Variants in MEIOSIN observed in about 807,000 individuals in gnomAD.
The protein encoded by MEIOSIN is meiosis initiator.
MEIOSIN carries 18 observed loss-of-function variants against 23.4 expected under a neutral mutation model. The observed-to-expected ratio is 0.77, with a 90% confidence interval of 0.53 to 1.14. The LOEUF (loss-of-function observed/expected upper bound fraction) is 1.14, where lower values mean the gene tolerates loss of function less well. Among genes scored for constraint, MEIOSIN ranks in the 50% most tolerant of loss-of-function variants. MEIOSIN has a pLI of 0.00. For synonymous variants in MEIOSIN, 187 were observed against 100.6 expected, an observed-to-expected ratio of 1.86 and a Z score of -5.14; for missense variants, 428 against 242.9, an observed-to-expected ratio of 1.76 and a Z score of -5.07.
intron 5 of MEIOSIN, among the ~76,000 whole-genome samples, chr19:45,753,091 T>G (rs1416750878): frequency 6.6e-6 from 1 of 151,984 alleles, no homozygotes; most frequent in South Asian, 2.1e-4. Flanking sequence ...ACCCAGCTAA[T>G]TTTTGTCCCT....
intron 4 of MEIOSIN, among the ~76,000 whole-genome samples, chr19:45,748,409 C>G (rs1367401634): frequency 1.3e-5 from 2 of 152,124 alleles, no homozygotes; most frequent in Non-Finnish European, 2.9e-5. Context: ...GAAATAGAGT[C>G]AGATGTATCT....
intron 9 of MEIOSIN, among the ~76,000 whole-genome samples, chr19:45,758,412 T>C (rs769932821): frequency 2.2e-4 from 34 of 151,968 alleles, no homozygotes; most frequent in Non-Finnish European, 4.0e-4. Context: ...CAAACATCAT[T>C]TTGCTTCATT....
At chr19:45,748,665 C>G (rs1385948357) in intron 4 of MEIOSIN, among the ~76,000 whole-genome samples, 1 of 152,172 alleles carries the variant, frequency 6.6e-6, no homozygotes, top group African/African-American at 2.4e-5. Context: ...AACCTTTATA[C>G]TAGTAATAAT....
In MEIOSIN at chr19:45,750,657, G is replaced by A. The variant is rs550732573; in HGVS notation, c.307-18G>A. ...TACAGGCGTGAGCCTGGCCAACCCT[G>A]TCTTTCTTTTGAGGCAGAAGGAGAT... On this transcript the variant is annotated intron_variant, in intron 4 of 14. Transcript: ENST00000457052. 19 of 541,942 alleles carry A rather than the reference G, an allele frequency of 3.5e-5. No homozygotes were observed. Among genetic ancestry groups the A allele is most frequent in the Non-Finnish European group, 5.5e-5 (17 of 306,472 alleles). The allele number at this position is 541,942 out of a possible 1,614,324, so 33.6% of individuals were successfully genotyped here.
rs1328398905 is a variant in MEIOSIN, at chr19:45,757,246, C to A, written c.981C>A (p.Leu327=). The change falls in exon 9 of 15, where the codon CTC becomes CTA. Residue 327 remains leucine (L), a synonymous_variant. Coordinates refer to ENST00000457052, the MANE Select transcript of MEIOSIN (RefSeq NM_001310124.2). ...DKGSLDADPW[L]PAWTPENSPQ... ...GGTCCCTAGACGCTGACCCTTGGCT[C>A]CCTGCCTGGACCCCAGAGAACAGCC... 4.3e-6 allele frequency: 3 copies of A among 702,956 alleles called. No homozygotes were observed. Among genetic ancestry groups the A allele is most frequent in the Non-Finnish European group, 7.8e-6 (3 of 384,936 alleles). 43.5% of individuals were successfully genotyped at this position (702,956 alleles called of 1,614,324 possible).
intron 7 of MEIOSIN, among the ~76,000 whole-genome samples, chr19:45,755,682 C>T (rs549868250): frequency 6.6e-6 from 1 of 151,744 alleles, no homozygotes; most frequent in Non-Finnish European, 1.5e-5. Context: ...CTCCTGACCT[C>T]GTGATCCACC....
In MEIOSIN at chr19:45,761,786, G is replaced by GCTAT; in HGVS notation, c.1354_1355insTATC (p.Pro452LeufsTer62). ...TCTCGCTGAGCGGGAACAGCAAGGCGCCATCCAGCTCCAGCTCCAGCTCCA... is the reference window on the plus strand; with the variant it reads ...TCTCGCTGAGCGGGAACAGCAAGGCGCTATCCATCCAGCTCCAGCTCCAGCTCCA... On this transcript the variant is annotated frameshift_variant, in exon 12 of 15. Coordinates refer to ENST00000457052, the MANE Select transcript of MEIOSIN (RefSeq NM_001310124.2). LOFTEE classifies it high-confidence loss of function. 1 of 675,046 alleles carries GCTAT rather than the reference G, an allele frequency of 1.5e-6. No individual in the cohort carries two copies. The allele number at this position is 675,046 out of a possible 1,614,324, so 41.8% of individuals were successfully genotyped here.
chr19:45,741,822 C>T (rs773528188), intron 3 of MEIOSIN, among the ~76,000 whole-genome samples: 41 of 151,530 alleles, frequency 2.7e-4, no homozygotes, highest in Non-Finnish European at 5.0e-4. Context: ...AGAGAGACCG[C>T]GTCTCCAAAA....
chr19:45,754,626 G>A lies in MEIOSIN; in HGVS notation c.704G>A (p.Arg235Lys), dbSNP rs1159839643. Residue 235 changes from arginine (R) to lysine (K), a missense_variant, in exon 7 of 15, where the codon AGG (arginine) becomes AAG (lysine). Physicochemically the swap from Arg to Lys is conservative, Grantham distance 26. Transcript: ENST00000457052. Reference protein sequence around the residue: ...PRCPDSCGHPRPASSSPPGDR... With the variant: ...PRCPDSCGHPKPASSSPPGDR... ...TGCCCTGACTCCTGCGGTCACCCGA[G>A]GCCTGCATCATCCTCACCTCCAGGT... 6 of 703,110 alleles carry A rather than the reference G, an allele frequency of 8.5e-6. No homozygotes were observed. The highest frequency in any genetic ancestry group is 8.0e-5 in the East Asian group (3 of 37,290). The allele number at this position is 703,110 out of a possible 1,614,324, so 43.6% of individuals were successfully genotyped here.
At chr19:45,741,443 C>T (rs1489671336) in intron 3 of MEIOSIN, among the ~76,000 whole-genome samples, 1 of 151,992 alleles carries the variant, frequency 6.6e-6, no homozygotes, top group Non-Finnish European at 1.5e-5. Flanking sequence ...ATTTTTTGTT[C>T]TAATTTAAAA....
intron 7 of MEIOSIN, among the ~76,000 whole-genome samples, chr19:45,755,238 C>T (rs924981087): frequency 6.6e-6 from 1 of 150,724 alleles, no homozygotes; most frequent in African/African-American, 2.4e-5. Context: ...CAACCTCTGC[C>T]TCCTGGATTC....
rs979810594 is a variant in MEIOSIN at position 45,735,874 on chromosome 19, G to T, written c.71+427G>T. 2.0e-5 allele frequency among the ~76,000 whole-genome samples: 3 copies of T among 152,072 alleles called. No individual in the cohort carries two copies. The East Asian group carries it at 5.8e-4, about 29-fold the overall frequency. ...GTATTTTTTGTAAAGATAGGGTTTTGCCATTTTCCCCAGGCTAGTCTTCAA... is the reference window on the plus strand; with the variant it reads ...GTATTTTTTGTAAAGATAGGGTTTTTCCATTTTCCCCAGGCTAGTCTTCAA... On this transcript the variant is annotated intron_variant, in intron 2 of 14. Coordinates refer to ENST00000457052, the MANE Select transcript of MEIOSIN (RefSeq NM_001310124.2).
At chr19:45,738,002 T>A (rs1478535238) in intron 2 of MEIOSIN, among the ~76,000 whole-genome samples, 1 of 151,916 alleles carries the variant, frequency 6.6e-6, no homozygotes. Flanking sequence ...GTGATCTTCC[T>A]GCCTCAGCCT....
rs75275633 is a variant in MEIOSIN, at chr19:45,745,707, C to T, written c.306+386C>T. ...TGAGAGTCCTGAGTAGCTGGGACTA[C>T]AGGCACAGGCCACCACACCCGGCTA... On this transcript the variant is annotated intron_variant, in intron 4 of 14. Coordinates refer to ENST00000457052, the MANE Select transcript of MEIOSIN (RefSeq NM_001310124.2). Among the ~76,000 whole-genome samples, 849 of 152,240 alleles carry T rather than the reference C, an allele frequency of 5.6e-3. 15 individuals carry two copies. The highest frequency in any genetic ancestry group is 0.039 in the Admixed American group (591 of 15,284).
rs541994939 is a variant in MEIOSIN, at chr19:45,733,509, C to G, written c.-158C>G. ...GAGGATTCGCACCCAACCCCAAGCC[C>G]GGTTGGGAACGTGGTGTCCGAGACC... On this transcript the variant is annotated 5_prime_UTR_variant, in exon 1 of 15. Coordinates refer to ENST00000457052, the MANE Select transcript of MEIOSIN (RefSeq NM_001310124.2). The surrounding 1 kb of genome is among the most constrained non-coding windows in gnomAD (Gnocchi z 5.7). 1 of 152,314 alleles carries G rather than the reference C, an allele frequency of 6.6e-6. No individual in the cohort carries two copies. Among genetic ancestry groups the G allele is most frequent in the Non-Finnish European group, 1.5e-5 (1 of 68,096 alleles). 9.4% of individuals were successfully genotyped at this position (152,314 alleles called of 1,614,324 possible). A position where few individuals can be genotyped will look rare whatever the true frequency, so the allele number is the denominator to read the frequency against.
chr19:45,755,150 C>CTTT (rs974858195), intron 7 of MEIOSIN, among the ~76,000 whole-genome samples: 1 of 137,798 alleles, frequency 7.3e-6, no homozygotes, highest in Non-Finnish European at 1.6e-5. Flanking sequence ...TCAGCCTTTT[C>CTTT]TTTTTTTTTT....
chr19:45,743,718 C>T (rs1968544195), intron 3 of MEIOSIN, among the ~76,000 whole-genome samples: 2 of 152,090 alleles, frequency 1.3e-5, no homozygotes, highest in Admixed American at 6.6e-5. Flanking sequence ...AACAGGGTTT[C>T]GCCATGTTGG....
intron 4 of MEIOSIN, among the ~76,000 whole-genome samples, chr19:45,745,721 C>CA (rs1968581458): frequency 6.6e-6 from 1 of 152,036 alleles, no homozygotes; most frequent in Non-Finnish European, 1.5e-5. Flanking sequence ...CACAGGCCAC[C>CA]ACACCCGGCT....
At position 45,733,741 on chromosome 19, in the gene MEIOSIN, C is replaced by G. The variant is rs58011329; in HGVS notation, c.-1+75C>G. ...CCAGCACTAGCTGGGCTTAGGGGAACCCGGGATCCCCACAGGAGCTTCCCT... is the reference window on the plus strand; with the variant it reads ...CCAGCACTAGCTGGGCTTAGGGGAAGCCGGGATCCCCACAGGAGCTTCCCT... On this transcript the variant is annotated intron_variant, in intron 1 of 14. Coordinates refer to ENST00000457052, the MANE Select transcript of MEIOSIN (RefSeq NM_001310124.2). The surrounding 1 kb of genome is among the most constrained non-coding windows in gnomAD (Gnocchi z 5.7). The G allele has an allele frequency of 6.6e-6, 1 of 152,470 alleles. No individual in the cohort carries two copies. The highest frequency in any genetic ancestry group is 2.4e-5 in the African/African-American group (1 of 41,586). 9.4% of individuals were successfully genotyped at this position (152,470 alleles called of 1,614,324 possible). A position where few individuals can be genotyped will look rare whatever the true frequency, so the allele number is the denominator to read the frequency against.
Sources: gnomAD v4.1 joint callset for allele counts (sites outside exome capture counted in the v4.1 genomes callset) on GRCh38, gnomAD v4.1.1 for gene constraint, Gnocchi (gnomAD v3.1) non-coding constraint, MANE v1.5 for transcripts, NCBI Gene and HGNC (gene_info 2026-07-23, HGNC 2026-07-21) for gene names.